Variants in DAB1 observed in about 807,000 individuals in gnomAD.
The protein encoded by DAB1 is DAB adaptor protein 1.
Under a neutral mutation model 64.6 loss-of-function variants are expected in DAB1, and 15 were observed. The ratio of observed to expected loss-of-function variants is 0.23; its 90% CI spans 0.16 to 0.36. DAB1 has a LOEUF of 0.36. Ranked by LOEUF, DAB1 falls within the 10% of genes least tolerant of loss-of-function variation. The pLI is 1.00. For missense variants in DAB1, 596 were observed against 706.7 expected, an observed-to-expected ratio of 0.84 and a Z score of 1.78; for synonymous variants, 235 against 251.9, an observed-to-expected ratio of 0.93 and a Z score of 0.64.
chr1:57,553,386 GAAAGAAAGAA>G (rs762343438), intron 7 of DAB1, among the ~76,000 whole-genome samples: 190 of 14,566 alleles, frequency 0.013, 46 homozygotes, highest in South Asian at 0.025. Context: ...GGAAGAAAGA[GAAAGAAAGAA>G]AGAAAGAAAG....
At chr1:57,058,468 G>C (rs1650056480) in intron 9 of DAB1, among the ~76,000 whole-genome samples, 1 of 152,154 alleles carries the variant, frequency 6.6e-6, no homozygotes, top group East Asian at 1.9e-4. Context: ...TTTACCACTT[G>C]AGCAGCTACT....
At chr1:57,843,729 C>T (rs1653155151) in intron 1 of DAB1, among the ~76,000 whole-genome samples, 1 of 152,174 alleles carries the variant, frequency 6.6e-6, no homozygotes, top group Non-Finnish European at 1.5e-5. Context: ...GGCTTTCCCC[C>T]ATGCACAGCT....
At chr1:58,232,041 TTGTTTTTC>T (rs1436312753) in intron 4 of DAB1, among the ~76,000 whole-genome samples, 1 of 152,188 alleles carries the variant, frequency 6.6e-6, no homozygotes, top group Non-Finnish European at 1.5e-5. Flanking sequence ...TTGTGCTATT[TTGTTTTTC>T]TGTTTTTTAA....
At chr1:57,190,044 G>T (rs1663984515) in intron 2 of DAB1, among the ~76,000 whole-genome samples, 1 of 152,118 alleles carries the variant, frequency 6.6e-6, no homozygotes, top group South Asian at 2.1e-4. Flanking sequence ...CAAGAGCAGG[G>T]CCCAAAGGGA....
chr1:58,066,939 G>A lies in DAB1; in HGVS notation n.387+83572C>T, dbSNP rs535114912. Among the ~76,000 whole-genome samples, 5 of 152,214 alleles carry A rather than the reference G, an allele frequency of 3.3e-5. No individual in the cohort carries two copies. The South Asian group carries it at 8.3e-4, about 25-fold the overall frequency. ...CAGGCTAAACTCATCTGGCACTCAG[G>A]GCTCTGCAGGGCCTGCTCCGGCCTC... On this transcript the variant is annotated intron_variant and non_coding_transcript_variant, in intron 5 of 20. Coordinates refer to the DAB1 transcript ENST00000485760.
Position 57,463,532 on chromosome 1 carries a change from G to A in DAB1, n.626-172366C>T, listed in dbSNP as rs567016714. ...AGGCAAAAGGGAAGATCCCTAGGAT[G>A]AGTGTGCTTTTTACTGCCCTGCTGT... On this transcript the variant is annotated intron_variant and non_coding_transcript_variant, in intron 7 of 20. Transcript: ENST00000485760. Among the ~76,000 whole-genome samples the A allele has an allele frequency of 6.6e-5, 10 of 152,292 alleles. No homozygotes were observed. The East Asian group carries it at 1.4e-3, about 21-fold the overall frequency.
At chr1:57,507,149 C>A (rs767807118) in intron 7 of DAB1, among the ~76,000 whole-genome samples, 45 of 152,164 alleles carry the variant, frequency 3.0e-4, no homozygotes, top group Non-Finnish European at 6.0e-4. Flanking sequence ...GCTTACCGTT[C>A]AAGGCCCTTC....
chr1:57,963,185 G>A (rs1245762754), intron 5 of DAB1, among the ~76,000 whole-genome samples: 1 of 152,012 alleles, frequency 6.6e-6, no homozygotes, highest in Non-Finnish European at 1.5e-5. Context: ...TATTTTCCTG[G>A]GCTTAGAGTC....
At chr1:57,194,582 C>T (rs918131218) in intron 2 of DAB1, among the ~76,000 whole-genome samples, 3 of 152,190 alleles carry the variant, frequency 2.0e-5, no homozygotes, top group Admixed American at 2.0e-4. Flanking sequence ...CTTTCTGAGT[C>T]TTGGTTAAGA....
intron 4 of DAB1, among the ~76,000 whole-genome samples, chr1:58,250,923 A>G (rs1340502140): frequency 6.6e-6 from 1 of 152,170 alleles, no homozygotes; most frequent in African/African-American, 2.4e-5. Context: ...GCAGCAGCAG[A>G]CACACACTCT....
chr1:57,384,252 C>A (rs1570417968), intron 1 of DAB1, among the ~76,000 whole-genome samples: 2 of 152,054 alleles, frequency 1.3e-5, no homozygotes, highest in African/African-American at 4.8e-5. Flanking sequence ...CAAATAACAG[C>A]AAATAACAAG....
At chr1:57,418,585 C>T (rs908587938) in intron 1 of DAB1, among the ~76,000 whole-genome samples, 1 of 152,162 alleles carries the variant, frequency 6.6e-6, no homozygotes, top group Non-Finnish European at 1.5e-5. Flanking sequence ...GACCCATCCC[C>T]TTATTTTTAT....
intron 6 of DAB1, among the ~76,000 whole-genome samples, chr1:57,691,851 T>G (rs2101714439): frequency 6.6e-6 from 1 of 152,190 alleles, no homozygotes; most frequent in South Asian, 2.1e-4. Context: ...TCTGTCCTAT[T>G]TTTCCTTAGA....
At chr1:58,475,836 C>T (rs1359341783) in intron 3 of DAB1, among the ~76,000 whole-genome samples, 1 of 152,218 alleles carries the variant, frequency 6.6e-6, no homozygotes, top group African/African-American at 2.4e-5. Flanking sequence ...GCCCTTAATA[C>T]TTTCAAGGCT....
At chr1:57,570,736 C>T (rs184762377) in intron 7 of DAB1, among the ~76,000 whole-genome samples, 8 of 152,120 alleles carry the variant, frequency 5.3e-5, no homozygotes, top group East Asian at 1.9e-4. Flanking sequence ...CTGTGAAGAA[C>T]GATGATGGTA....
intron 2 of DAB1, among the ~76,000 whole-genome samples, chr1:57,187,603 C>G (rs1429953238): frequency 6.6e-6 from 1 of 152,192 alleles, no homozygotes; most frequent in Non-Finnish European, 1.5e-5. Context: ...CATTTGCTAT[C>G]TTGTTCTTTG....
intron 4 of DAB1, among the ~76,000 whole-genome samples, chr1:58,187,809 C>A (rs561513433): frequency 6.6e-6 from 1 of 150,804 alleles, no homozygotes; most frequent in African/African-American, 2.4e-5. Context: ...GAACTCCTGA[C>A]CTCAAGTGAT....
At chr1:57,812,319 CAAAAAAAAAAA>C (rs67005172) in intron 6 of DAB1, among the ~76,000 whole-genome samples, 1 of 101,206 alleles carries the variant, frequency 9.9e-6, no homozygotes, top group African/African-American at 3.7e-5. Context: ...GATTCATTGC[CAAAAAAAAAAA>C]AAAAAAAAGA....
chr1:58,537,129 T>C (rs944182007), intron 1 of DAB1, among the ~76,000 whole-genome samples: 3 of 151,846 alleles, frequency 2.0e-5, no homozygotes, highest in Admixed American at 2.0e-4. Context: ...ATAATAACCC[T>C]GTTACAGAAG....
Sources: gnomAD v4.1 joint callset for allele counts (sites outside exome capture counted in the v4.1 genomes callset) on GRCh38, gnomAD v4.1.1 for gene constraint, MANE v1.5 for transcripts, NCBI Gene and HGNC (gene_info 2026-07-23, HGNC 2026-07-21) for gene names.